Variants in ARID4A observed in about 807,000 individuals in gnomAD.
The protein encoded by ARID4A is AT-rich interaction domain 4A.
A neutral mutation model predicts 148.6 loss-of-function variants in ARID4A; 39 were observed. The ratio of observed to expected loss-of-function variants is 0.26; its 90% CI spans 0.20 to 0.34. The LOEUF (loss-of-function observed/expected upper bound fraction) is 0.34, where lower values mean the gene tolerates loss of function less well. Among genes scored for constraint, ARID4A ranks in the 10% least tolerant of loss-of-function variants. The pLI is 1.00. For synonymous variants in ARID4A, 475 were observed against 481.2 expected (o/e 0.99, Z 0.17); for missense variants, 1,265 against 1,449.1 (o/e 0.87, Z 2.06).
intron 5 of ARID4A, 136 bp from the exon 6 acceptor site, chr14:58,318,406 A>G: frequency 1.1e-6 from 1 of 870,012 alleles, no homozygotes; most frequent in Non-Finnish European, 1.8e-6. Context: ...CTCATTGTAA[A>G]GGTTTTGAAA....
chr14:58,347,736 A>T lies in ARID4A; in HGVS notation c.1262A>T (p.Lys421Ile). The change falls in exon 15 of 24, where the codon AAA becomes ATA. Residue 421 changes from lysine to isoleucine, a missense_variant. This residue lies in a region of ARID4A where 205 missense variants were observed against 196.9 expected (regional missense o/e 1.04). Coordinates refer to ENST00000355431, the MANE Select transcript of ARID4A (RefSeq NM_002892.4). Reference protein sequence around the residue: ...HHHEPKVKEEKKDLEESMEEA... With the variant: ...HHHEPKVKEEIKDLEESMEEA... ...CATGAACCAAAAGTAAAAGAGGAAA[A>T]AAAAGACTTAGAAGAATCAATGGAA... The T allele has an allele frequency of 3.7e-6, 6 of 1,613,986 alleles. No homozygotes were observed. Among genetic ancestry groups the T allele is most frequent in the Non-Finnish European group, 4.2e-6 (5 of 1,179,922 alleles).
chr14:58,330,781 G>C (rs1428832649), intron 11 of ARID4A, among the ~76,000 whole-genome samples: 2 of 152,074 alleles, frequency 1.3e-5, no homozygotes, highest in African/African-American at 4.8e-5. Context: ...AAGTGCTAAT[G>C]GTTTTCTTTA....
rs1026860677 is a variant in ARID4A, at chr14:58,299,926, G to A, written c.6+66G>A. Reference sequence around the variant, plus strand: ...CACTGCCAATCCTAAGGCTAGTGCCGTGGAATGTCATTTGTTTTGCTACTC... The same window carrying A: ...CACTGCCAATCCTAAGGCTAGTGCCATGGAATGTCATTTGTTTTGCTACTC... On this transcript the variant is annotated intron_variant, in intron 2 of 23. Coordinates refer to ENST00000355431, the MANE Select transcript of ARID4A (RefSeq NM_002892.4). 5.9e-5 allele frequency: 95 copies of A among 1,601,100 alleles called. No homozygotes were observed. The Middle Eastern group carries it at 8.3e-4, about 14-fold the overall frequency.
At chr14:58,299,078 C>T (rs546959864) in intron 1 of ARID4A, among the ~76,000 whole-genome samples, 1 of 152,322 alleles carries the variant, frequency 6.6e-6, no homozygotes, top group Admixed American at 6.5e-5. Context: ...CGAGCTGATA[C>T]CTCTCTGGGC....
chr14:58,301,968 T>C (rs1337796603), intron 3 of ARID4A, among the ~76,000 whole-genome samples: 1 of 152,242 alleles, frequency 6.6e-6, no homozygotes, highest in Non-Finnish European at 1.5e-5. Context: ...TTTTCTCCCC[T>C]CATTTAATGT....
intron 15 of ARID4A, 34 bp downstream of exon 15, chr14:58,347,912 G>A: frequency 6.8e-7 from 1 of 1,464,392 alleles, no homozygotes; most frequent in Non-Finnish European, 9.2e-7. Context: ...TCTGGTTTAA[G>A]TATTATTTAA....
At chr14:58,299,906 C>T in intron 2 of ARID4A, 46 bp downstream of exon 2, 1 of 1,612,054 alleles carries the variant, frequency 6.2e-7, no homozygotes, top group South Asian at 1.1e-5. Flanking sequence ...CTGAACACTG[C>T]CAATCCTAAG....
In ARID4A at chr14:58,372,909, T is replaced by C. The variant is rs540346448; in HGVS notation, c.*920T>C. 1 of 180,530 alleles carries C rather than the reference T, an allele frequency of 5.5e-6. No individual in the cohort carries two copies. Among genetic ancestry groups the C allele is most frequent in the East Asian group, 9.2e-5 (1 of 10,876 alleles). The allele number at this position is 180,530 out of a possible 1,614,324, so 11.2% of individuals were successfully genotyped here. ...GTATTTTTATGTATTTTTTAAAATA[T>C]TAATAAAATTTAAAAAAAGAAAATT... On this transcript the variant is annotated 3_prime_UTR_variant, in exon 24 of 24. Coordinates refer to ENST00000355431, the MANE Select transcript of ARID4A (RefSeq NM_002892.4).
rs373980107 is a variant in ARID4A, at chr14:58,318,776, G to A, written c.420G>A (p.Thr140=). The A allele has an allele frequency of 2.1e-5, 34 of 1,613,630 alleles. No homozygotes were observed. Among genetic ancestry groups the A allele is most frequent in the Middle Eastern group, 1.6e-4 (1 of 6,084 alleles). Residue 140 remains threonine (T), a synonymous_variant, in exon 7 of 24, where the codon ACG becomes ACA. Coordinates refer to ENST00000355431, the MANE Select transcript of ARID4A (RefSeq NM_002892.4). ...GAACTCCAGTAATTGCAAAGAAGAC[G>A]AACAGAGGAAGGAGATCTTCTCTTC... The part of the protein sequence containing the change: ...HFGTPVIAKK[T]NRGRRSSLPV...
chr14:58,329,899 C>T, intron 10 of ARID4A, 104 bp from the exon 11 acceptor site: 1 of 1,502,562 alleles, frequency 6.7e-7, no homozygotes, highest in Non-Finnish European at 8.8e-7. Flanking sequence ...TTATAAATGA[C>T]AGCCGAATTT....
At chr14:58,319,369 A>G (rs1286352915) in intron 7 of ARID4A, among the ~76,000 whole-genome samples, 5 of 151,860 alleles carry the variant, frequency 3.3e-5, no homozygotes, top group African/African-American at 1.2e-4. Flanking sequence ...ACCCAGCCTG[A>G]GCCACTGCGC....
At chr14:58,337,375 T>C (rs894170903) in intron 11 of ARID4A, among the ~76,000 whole-genome samples, 6 of 151,118 alleles carry the variant, frequency 4.0e-5, no homozygotes, top group African/African-American at 9.7e-5. Flanking sequence ...GATCTCAGGA[T>C]TTTTGTTTTT....
chr14:58,310,106 A>C (rs375873513), intron 5 of ARID4A, among the ~76,000 whole-genome samples: 2 of 152,354 alleles, frequency 1.3e-5, no homozygotes, highest in African/African-American at 4.8e-5. Context: ...CATAGGCTTT[A>C]ACTCATTTTT....
rs1342843283 is a variant in ARID4A, at chr14:58,364,425, C to A, written c.2336C>A (p.Thr779Lys). 16 of 1,612,388 alleles carry A rather than the reference C, an allele frequency of 9.9e-6. No homozygotes were observed. In the African/African-American group the frequency reaches 1.9e-4, roughly 19 times the overall value. Residue 779 changes from threonine to lysine, a missense_variant, in exon 20 of 24, where the codon ACA (threonine) becomes AAA (lysine). By Grantham distance (78) the Thr-to-Lys change is moderately conservative (BLOSUM62 -1). Coordinates refer to ENST00000355431, the MANE Select transcript of ARID4A (RefSeq NM_002892.4). ...ATTTTTGGGAACAAAATGGAAAAAA[C>A]AGAAGAAGTTAAGAAAGAAGCCGAA... ...VQIFGNKMEKTEEVKKEAEKS... is the reference protein window; with the variant it reads ...VQIFGNKMEKKEEVKKEAEKS...
intron 9 of ARID4A, among the ~76,000 whole-genome samples, 184 bp downstream of exon 9, chr14:58,328,500 T>TA (rs898858167): frequency 3.9e-5 from 6 of 152,104 alleles, no homozygotes; most frequent in African/African-American, 1.4e-4. Context: ...AAATTTTATA[T>TA]AAAAAATGTG....
chr14:58,351,269 A>C lies in ARID4A; in HGVS notation c.1601A>C (p.Lys534Thr). The C allele has an allele frequency of 6.2e-7, 1 of 1,610,932 alleles. No homozygotes were observed. The highest frequency in any genetic ancestry group is 1.1e-5 in the South Asian group (1 of 90,014). ...AAGCAAAAAGAGAAGAAAATTAAAA[A>C]ACAGGAGGATTCTGACAAAGACTCA... ...TPKQKEKKIK[K>T]QEDSDKDSDE... Residue 534 changes from lysine (K) to threonine (T), a missense_variant, in exon 16 of 24, where the codon AAA becomes ACA. Lys to Thr is a moderately conservative substitution (Grantham distance 78). This residue lies in a region of ARID4A where 205 missense variants were observed against 196.9 expected (regional missense o/e 1.04). Transcript: ENST00000355431.
At chr14:58,304,681 T>C (rs2031460713) in intron 3 of ARID4A, among the ~76,000 whole-genome samples, 1 of 152,132 alleles carries the variant, frequency 6.6e-6, no homozygotes, top group South Asian at 2.1e-4. Context: ...TTAAAGATTA[T>C]TATATAGTTC....
intron 14 of ARID4A, 130 bp downstream of exon 14, chr14:58,347,247 A>C: frequency 2.0e-6 from 1 of 500,988 alleles, no homozygotes; most frequent in South Asian, 4.6e-5. Context: ...GTTTAGGTTG[A>C]CAGATACTTG....
At chr14:58,310,525 A>G (rs2031945671) in intron 5 of ARID4A, among the ~76,000 whole-genome samples, 1 of 152,176 alleles carries the variant, frequency 6.6e-6, no homozygotes. Context: ...TGGGGAAAGG[A>G]CAGTCTCTTC....
Sources: gnomAD v4.1 joint callset for allele counts (sites outside exome capture counted in the v4.1 genomes callset) on GRCh38, gnomAD v4.1.1 for gene constraint, gnomAD v4.1.1 regional missense constraint, MANE v1.5 for transcripts, NCBI Gene and HGNC (gene_info 2026-07-23, HGNC 2026-07-21) for gene names.